Variants in SPATA21 observed in about 807,000 individuals in gnomAD.
SPATA21 encodes the protein spermatogenesis associated 21.
Under a neutral mutation model 54.8 loss-of-function variants are expected in SPATA21, and 47 were observed. That is an observed-to-expected ratio of 0.86 (90% CI 0.68 to 1.09). The LOEUF (loss-of-function observed/expected upper bound fraction) is 1.09. Among genes scored for constraint, SPATA21 ranks in the 50% least tolerant of loss-of-function variants. SPATA21 has a pLI of 0.00. For synonymous variants in SPATA21, 245 were observed against 235.3 expected (o/e 1.04, Z -0.38); for missense variants, 599 against 596.4 (o/e 1.00, Z -0.05).
chr1:16,397,026 A>T (rs2085323644), downstream of SPATA21: 1 of 152,284 alleles, frequency 6.6e-6, no homozygotes, highest in South Asian at 2.1e-4. The surrounding 1 kb of genome is among the most constrained non-coding windows in gnomAD (Gnocchi z 5.4). Flanking sequence ...TCCATCCCTT[A>T]TGTAATAGTG....
intron 11 of SPATA21, 30 bp downstream of exon 11, chr1:16,400,690 A>C: frequency 6.3e-7 from 1 of 1,592,846 alleles, no homozygotes; most frequent in Non-Finnish European, 8.6e-7. Flanking sequence ...CCCCAACCCT[A>C]GCCCATCCCA....
intron 12 of SPATA21, 151 bp from the exon 13 acceptor site, chr1:16,398,973 T>C: frequency 1.2e-6 from 1 of 864,816 alleles, no homozygotes; most frequent in South Asian, 1.8e-5. Context: ...AGGGGCCTGA[T>C]TCCAAGTCCA....
At chr1:16,416,381 A>G (rs1204212990) in intron 5 of SPATA21, among the ~76,000 whole-genome samples, 2 of 152,126 alleles carry the variant, frequency 1.3e-5, no homozygotes, top group African/African-American at 2.4e-5. Flanking sequence ...TTACACAGTT[A>G]AAGAATGTGG....
chr1:16,431,444 G>A (rs1453230985), intron 2 of SPATA21, 22 bp from the exon 3 acceptor site: 13 of 1,597,182 alleles, frequency 8.1e-6, no homozygotes, highest in Admixed American at 6.8e-5. Flanking sequence ...ATCCAATCAA[G>A]CGTCCCACCA....
rs757798301 is a variant in SPATA21 at position 16,409,732 on chromosome 1, G to C, written c.456C>G (p.Ala152=). 3.1e-6 allele frequency: 5 copies of C among 1,611,424 alleles called. No individual in the cohort carries two copies. In the African/African-American group the frequency reaches 6.7e-5, roughly 22 times the overall value. ...ARLPAPGPEP[A]PMGAPVPTSM... is the part of the protein sequence containing the mutation. ...AGGTGGGGACCGGGGCTCCCATGGG[G>C]GCAGGTTCTGGCCCAGGAGCTGGCA... The change falls in exon 6 of 13, where the codon GCC becomes GCG. Residue 152 remains alanine (A), a synonymous_variant. Transcript: ENST00000335496. The surrounding 1 kb of genome is among the most constrained non-coding windows in gnomAD (Gnocchi z 4.1).
intron 3 of SPATA21, among the ~76,000 whole-genome samples, chr1:16,422,535 T>C (rs2086202036): frequency 6.7e-6 from 1 of 149,608 alleles, no homozygotes; most frequent in East Asian, 2.0e-4. Context: ...GAGACAAGTC[T>C]CACTCTGTCA....
intron 3 of SPATA21, among the ~76,000 whole-genome samples, chr1:16,430,689 T>G (rs1364849821): frequency 6.6e-6 from 1 of 152,206 alleles, no homozygotes; most frequent in African/African-American, 2.4e-5. Flanking sequence ...GCATTGTTTT[T>G]GGGAAGCTTC....
chr1:16,398,550 G>A (rs561431565), downstream of SPATA21: 10 of 576,574 alleles, frequency 1.7e-5, no homozygotes, highest in South Asian at 3.9e-5. Flanking sequence ...TCCCAACCCC[G>A]CGCAGGGCTT....
chr1:16,436,729 A>G (rs112345420), intron 1 of SPATA21, among the ~76,000 whole-genome samples: 4,410 of 151,960 alleles, frequency 0.029, 96 homozygotes, highest in Non-Finnish European at 0.038. Context: ...CTGCACCACT[A>G]CACGCCAGCC....
chr1:16,407,591 C>A (rs936632391), intron 7 of SPATA21, among the ~76,000 whole-genome samples: 2 of 152,000 alleles, frequency 1.3e-5, no homozygotes, highest in Non-Finnish European at 2.9e-5. Flanking sequence ...CCCTGAGTAG[C>A]TGGGATTTCA....
chr1:16,418,854 C>G (rs2086091239), intron 5 of SPATA21, among the ~76,000 whole-genome samples: 1 of 152,178 alleles, frequency 6.6e-6, no homozygotes, highest in Non-Finnish European at 1.5e-5. Context: ...GTTCTTATTT[C>G]TCATCTGACT....
chr1:16,406,130 T>A (rs914552173), intron 7 of SPATA21, among the ~76,000 whole-genome samples: 3 of 152,032 alleles, frequency 2.0e-5, no homozygotes, highest in Non-Finnish European at 4.4e-5. Flanking sequence ...TTTCTTTTTT[T>A]TTTTGGTGAG....
At chr1:16,404,106 C>A in intron 8 of SPATA21, 67 bp from the exon 9 acceptor site, 1 of 1,386,256 alleles carries the variant, frequency 7.2e-7, no homozygotes, top group Non-Finnish European at 1.0e-6. Context: ...GCAGCCCAGG[C>A]GTGGTTATTA....
Position 16,425,456 on chromosome 1 carries a change from AG to A in SPATA21, c.35-3486del, listed in dbSNP as rs2086294454. 3.4e-6 allele frequency: 5 copies of A among 1,478,724 alleles called. No homozygotes were observed. The South Asian group carries it at 6.2e-5, about 18-fold the overall frequency. 91.6% of individuals were successfully genotyped at this position (1,478,724 alleles called of 1,614,324 possible). On this transcript the variant is annotated intron_variant, in intron 3 of 12. Coordinates refer to ENST00000335496, the MANE Select transcript of SPATA21 (RefSeq NM_198546.1). Reference sequence around the variant, plus strand: ...GCACCAGAATGGGGGGCATGATAGGAGGGGGGCTCTTTCACCTCCTCTGTGG... The same window carrying A: ...GCACCAGAATGGGGGGCATGATAGGAGGGGGCTCTTTCACCTCCTCTGTGG...
chr1:16,421,327 GCA>G lies in SPATA21; in HGVS notation c.144+180_144+181del, dbSNP rs111977798. Reference sequence around the variant, plus strand: ...CACACATGCATACACACAGGCACAGGCACACACACACACGTGTGCACATCCAT... The same window carrying G: ...CACACATGCATACACACAGGCACAGGCACACACACACGTGTGCACATCCAT... On this transcript the variant is annotated intron_variant, in intron 5 of 12. Transcript: ENST00000335496. This position sits in a 1 kb window ranked among gnomAD's most constrained non-coding sequence, Gnocchi z 5.2. Among the ~76,000 whole-genome samples the G allele has an allele frequency of 6.6e-6, 1 of 151,296 alleles. No homozygotes were observed. Among genetic ancestry groups the G allele is most frequent in the African/African-American group, 2.4e-5 (1 of 41,218 alleles).
intron 5 of SPATA21, among the ~76,000 whole-genome samples, chr1:16,416,405 C>T (rs968694588): frequency 1.5e-4 from 23 of 151,700 alleles, no homozygotes; most frequent in African/African-American, 4.9e-4. Context: ...GGGCCGGGCA[C>T]GGTGGCTCAT....
At chr1:16,399,677 A>G (rs1372381126) in intron 11 of SPATA21, among the ~76,000 whole-genome samples, 156 bp from the exon 12 acceptor site, 1 of 152,244 alleles carries the variant, frequency 6.6e-6, no homozygotes, top group Non-Finnish European at 1.5e-5. Flanking sequence ...TGGAGGTGAT[A>G]GTGGTACCCA....
In SPATA21 at chr1:16,410,092, C is replaced by T. The variant is rs777162794; in HGVS notation, c.145-49G>A. The T allele has an allele frequency of 6.3e-6, 9 of 1,426,356 alleles. No homozygotes were observed. The African/African-American group carries it at 1.0e-4, about 16-fold the overall frequency. 88.4% of individuals were successfully genotyped at this position (1,426,356 alleles called of 1,614,324 possible). A position where few individuals can be genotyped will look rare whatever the true frequency, so the allele number is the denominator to read the frequency against. On this transcript the variant is annotated intron_variant, in intron 5 of 12. Transcript: ENST00000335496. ...GGAGGCCTCTAGTGGGCCAGAGTGT[C>T]CCACAAATCTCCTCCCTGCCATCCC...
intron 7 of SPATA21, 133 bp downstream of exon 7, chr1:16,408,985 C>A (rs932243578): frequency 4.9e-5 from 44 of 891,482 alleles, no homozygotes; most frequent in Non-Finnish European, 7.2e-5. Flanking sequence ...GTGCAGAAAA[C>A]CCCTGCTGGG....
Sources: gnomAD v4.1 joint callset for allele counts (sites outside exome capture counted in the v4.1 genomes callset) on GRCh38, gnomAD v4.1.1 for gene constraint, Gnocchi (gnomAD v3.1) non-coding constraint, MANE v1.5 for transcripts, NCBI Gene and HGNC (gene_info 2026-07-23, HGNC 2026-07-21) for gene names.